KLRD1: variants seen among roughly 807,000 people sequenced by gnomAD.
KLRD1 encodes the protein killer cell lectin like receptor D1.
In KLRD1, 21 loss-of-function variants were observed where a neutral mutation model predicts 22.6. The observed-to-expected ratio is 0.93, with a 90% CI of 0.66 to 1.34. The LOEUF (loss-of-function observed/expected upper bound fraction) is 1.34. KLRD1 is among the 40% of genes most tolerant of loss of function. The pLI is 0.00. For missense variants in KLRD1, 183 were observed against 208.6 expected (o/e 0.88, Z 0.76); for synonymous variants, 59 against 71.1 (o/e 0.83, Z 0.85).
In KLRD1 at chr12:10,311,584, G is replaced by GC. The variant is rs768657774; in HGVS notation, c.286dup (p.Leu96ProfsTer9). The GC allele has an allele frequency of 2.2e-5, 36 of 1,614,078 alleles. No homozygotes were observed. The highest frequency in any genetic ancestry group is 2.9e-5 in the Non-Finnish European group (34 of 1,179,950). On this transcript the variant is annotated frameshift_variant, in exon 4 of 6. Coordinates refer to ENST00000336164, the MANE Select transcript of KLRD1 (RefSeq NM_002262.5). LOFTEE classifies it high-confidence loss of function. ...CATCTCTGTGCTTCTCAGAAATCCA[G>GC]CCTGCTTCAGCTTCAAAACACAGAT...
At chr12:10,257,989 T>G (rs1235016483) in intron 1 of KLRD1, among the ~76,000 whole-genome samples, 1 of 152,108 alleles carries the variant, frequency 6.6e-6, no homozygotes, top group African/African-American at 2.4e-5. Context: ...CTTTTTCTGT[T>G]TTCCCATACA....
intron 1 of KLRD1, among the ~76,000 whole-genome samples, chr12:10,243,552 T>TGCA (rs1237930339): frequency 4.7e-5 from 6 of 127,492 alleles, no homozygotes; most frequent in Non-Finnish European, 7.7e-5. Context: ...AGGTGGAGGT[T>TGCA]GCAGTGAGCC....
At chr12:10,246,815 C>A (rs1368096316) in intron 1 of KLRD1, among the ~76,000 whole-genome samples, 2 of 151,770 alleles carry the variant, frequency 1.3e-5, no homozygotes, top group Non-Finnish European at 2.9e-5. Context: ...AGTCTGAATT[C>A]AAATAATGAA....
chr12:10,311,345 A>G, intron 3 of KLRD1, 119 bp from the exon 4 acceptor site: 1 of 882,766 alleles, frequency 1.1e-6, no homozygotes, highest in East Asian at 2.6e-5. Context: ...AGTGTGGTGT[A>G]TACAGTAGAT....
At chr12:10,306,440 C>T (rs1949930184), upstream of KLRD1, among the ~76,000 whole-genome samples, 1 of 152,150 alleles carries the variant, frequency 6.6e-6, no homozygotes. Flanking sequence ...GAACCTCTAA[C>T]TTCCAAATAA....
At chr12:10,261,507 A>C (rs1186509560) in intron 1 of KLRD1, among the ~76,000 whole-genome samples, 3 of 152,166 alleles carry the variant, frequency 2.0e-5, no homozygotes, top group Non-Finnish European at 4.4e-5. Context: ...CCTTATGAAG[A>C]GCTATTATTC....
chr12:10,298,848 A>G (rs1358658962), intron 1 of KLRD1, among the ~76,000 whole-genome samples: 2 of 152,204 alleles, frequency 1.3e-5, no homozygotes, highest in Non-Finnish European at 2.9e-5. Context: ...ATATGTGGGT[A>G]AATCTCTGTT....
At chr12:10,265,852 A>G (rs557059035) in intron 1 of KLRD1, among the ~76,000 whole-genome samples, 12 of 152,362 alleles carry the variant, frequency 7.9e-5, no homozygotes, top group African/African-American at 2.6e-4. Flanking sequence ...TTCTTCATTT[A>G]TGGAGCATAA....
At chr12:10,277,843 C>T (rs1949605746) in intron 1 of KLRD1, among the ~76,000 whole-genome samples, 1 of 152,184 alleles carries the variant, frequency 6.6e-6, no homozygotes, top group South Asian at 2.1e-4. Flanking sequence ...CAGACTCAAT[C>T]AACAGCTTAA....
chr12:10,248,336 A>G (rs1949311697), intron 1 of KLRD1, among the ~76,000 whole-genome samples: 1 of 152,176 alleles, frequency 6.6e-6, no homozygotes. Flanking sequence ...TGGAGACATT[A>G]GAGGGGCACT....
intron 1 of KLRD1, among the ~76,000 whole-genome samples, chr12:10,294,933 G>A (rs147978515): frequency 6.6e-6 from 1 of 152,248 alleles, no homozygotes; most frequent in Admixed American, 6.5e-5. Context: ...AACTGTACAG[G>A]GTTAGAGGTC....
At chr12:10,306,010 A>T (rs951246798), upstream of KLRD1, among the ~76,000 whole-genome samples, 1 of 151,822 alleles carries the variant, frequency 6.6e-6, no homozygotes. Flanking sequence ...AAAAAAAAAA[A>T]TACAAAAAAT....
chr12:10,249,072 A>G (rs4329754), intron 1 of KLRD1, among the ~76,000 whole-genome samples: 27,750 of 152,148 alleles, frequency 0.18, 2,919 homozygotes, highest in Non-Finnish European at 0.24. Flanking sequence ...CTCACATACA[A>G]TAAACTATAT....
intron 4 of KLRD1, 200 bp downstream of exon 4, chr12:10,311,815 A>T: frequency 4.6e-6 from 2 of 434,898 alleles, no homozygotes; most frequent in Non-Finnish European, 8.0e-6. Context: ...TCATGGGAAT[A>T]CAAATCAAGA....
rs1393397151 is a variant in KLRD1 at position 10,281,455 on chromosome 12, GC to G, written c.-100-26522del. ...TGAAGAGTGATAGGTGGGATATAGCGCTCTAACAGAAAATATGAGACACCTG... is the reference window on the plus strand; with the variant it reads ...TGAAGAGTGATAGGTGGGATATAGCGTCTAACAGAAAATATGAGACACCTG... On this transcript the variant is annotated intron_variant, in intron 1 of 5. Coordinates refer to the KLRD1 transcript ENST00000544747. Among the ~76,000 whole-genome samples the G allele has an allele frequency of 8.5e-5, 13 of 152,194 alleles. No individual in the cohort carries two copies. In the East Asian group the frequency reaches 2.3e-3, roughly 27 times the overall value.
upstream of KLRD1, among the ~76,000 whole-genome samples, chr12:10,300,571 T>C (rs1427129044): frequency 6.6e-6 from 1 of 152,222 alleles, no homozygotes; most frequent in African/African-American, 2.4e-5. Flanking sequence ...TATAGCATAA[T>C]TCTTAAGGCC....
intron 1 of KLRD1, among the ~76,000 whole-genome samples, chr12:10,288,893 T>G (rs983928446): frequency 1.3e-5 from 2 of 152,184 alleles, no homozygotes; most frequent in African/African-American, 4.8e-5. Flanking sequence ...TCACAAAATG[T>G]TAGAAGGTGA....
intron 1 of KLRD1, among the ~76,000 whole-genome samples, chr12:10,282,495 G>T (rs2137655677): frequency 6.6e-6 from 1 of 152,176 alleles, no homozygotes; most frequent in Non-Finnish European, 1.5e-5. Flanking sequence ...GACCTCAGAT[G>T]ATCCGCCTGC....
chr12:10,312,418 G>A (rs534895381), intron 4 of KLRD1, among the ~76,000 whole-genome samples: 1 of 149,756 alleles, frequency 6.7e-6, no homozygotes, highest in East Asian at 2.0e-4. Context: ...TCGCTCTGTC[G>A]CCCAGGCTGG....
Sources: gnomAD v4.1 joint callset for allele counts (sites outside exome capture counted in the v4.1 genomes callset) on GRCh38, gnomAD v4.1.1 for gene constraint, MANE v1.5 for transcripts, NCBI Gene and HGNC (gene_info 2026-07-23, HGNC 2026-07-21) for gene names.